GREB1L: variants seen among roughly 807,000 people sequenced by gnomAD.
The protein encoded by GREB1L is GREB1 like retinoic acid receptor coactivator.
In GREB1L, 17 loss-of-function variants were observed where a neutral mutation model predicts 200.8. The observed-to-expected ratio is 0.08, with a 90% CI of 0.06 to 0.13. GREB1L has a LOEUF of 0.13. Ranked by LOEUF, GREB1L falls within the 10% of genes least tolerant of loss-of-function variation. The pLI is 1.00. For missense variants in GREB1L, 1,657 were observed against 2,367.7 expected, an observed-to-expected ratio of 0.70 and a Z score of 6.23; for synonymous variants, 789 against 893.0, an observed-to-expected ratio of 0.88 and a Z score of 2.08.
At chr18:21,384,818 G>GAT (rs2040471762) in intron 4 of GREB1L, among the ~76,000 whole-genome samples, 1 of 124,090 alleles carries the variant, frequency 8.1e-6, no homozygotes, top group African/African-American at 3.2e-5. Flanking sequence ...CAATCAGAGA[G>GAT]ATATTAGAGA....
At chr18:21,427,008 G>A (rs1598813899) in intron 7 of GREB1L, among the ~76,000 whole-genome samples, 1 of 146,560 alleles carries the variant, frequency 6.8e-6, no homozygotes, top group African/African-American at 2.5e-5. Context: ...AAACTGTTTT[G>A]GCTATTCTGG....
chr18:21,320,747 C>T (rs2038938681), intron 1 of GREB1L, among the ~76,000 whole-genome samples: 1 of 147,770 alleles, frequency 6.8e-6, no homozygotes, highest in Non-Finnish European at 1.5e-5. Context: ...GCCTGGGCAA[C>T]AGAACGAGAC....
chr18:21,309,276 T>C (rs73959834), intron 1 of GREB1L, among the ~76,000 whole-genome samples: 1,777 of 152,290 alleles, frequency 0.012, 39 homozygotes, highest in African/African-American at 0.04. Flanking sequence ...TTTCCCTACA[T>C]GGCTGTCAAT....
At chr18:21,256,955 A>AGAT (rs2037807813) in intron 1 of GREB1L, among the ~76,000 whole-genome samples, 1 of 146,870 alleles carries the variant, frequency 6.8e-6, no homozygotes, top group East Asian at 2.1e-4. Context: ...CAGTGAGCCG[A>AGAT]GATCATGCCA....
intron 1 of GREB1L, among the ~76,000 whole-genome samples, chr18:21,271,966 CA>C (rs1471321326): frequency 6.6e-6 from 1 of 152,098 alleles, no homozygotes; most frequent in African/African-American, 2.4e-5. Context: ...GCACCCCAAA[CA>C]AAACTGGAGT....
chr18:21,412,270 A>C (rs61294148), intron 7 of GREB1L, among the ~76,000 whole-genome samples: 49,296 of 150,974 alleles, frequency 0.33, 11,042 homozygotes, highest in African/African-American at 0.61. Flanking sequence ...AAAATTAGCA[A>C]CGTGTGTTGA....
intron 15 of GREB1L, among the ~76,000 whole-genome samples, chr18:21,461,595 T>A (rs2035049777): frequency 6.6e-6 from 1 of 152,158 alleles, no homozygotes; most frequent in Non-Finnish European, 1.5e-5. Context: ...TTAGATTCCT[T>A]CTGGTTCCTC....
rs535242847 is a variant in GREB1L, at chr18:21,319,023, G to A, written c.-119-47004G>A. Among the ~76,000 whole-genome samples the A allele has an allele frequency of 1.3e-4, 20 of 152,312 alleles. No individual in the cohort carries two copies. In the South Asian group the frequency reaches 3.5e-3, roughly 27 times the overall value. ...AGCTGCCTCTGTGAATGCGCAGCCA[G>A]TAACTGGTGGTGGGCCTGGAGTCCC... On this transcript the variant is annotated intron_variant, in intron 1 of 32. Transcript: ENST00000424526.
At chr18:21,302,023 G>A (rs1201989676) in intron 1 of GREB1L, among the ~76,000 whole-genome samples, 2 of 152,202 alleles carry the variant, frequency 1.3e-5, no homozygotes, top group Non-Finnish European at 2.9e-5. Context: ...ACATACTTTT[G>A]ACAGCATTTA....
chr18:21,436,260 T>A (rs1169767880), intron 7 of GREB1L, among the ~76,000 whole-genome samples: 1 of 152,030 alleles, frequency 6.6e-6, no homozygotes, highest in African/African-American at 2.4e-5. Context: ...TGGTATAGAG[T>A]AGAGCCACCA....
intron 11 of GREB1L, among the ~76,000 whole-genome samples, chr18:21,447,242 G>GC (rs1296980298): frequency 6.6e-6 from 1 of 151,940 alleles, no homozygotes; most frequent in African/African-American, 2.4e-5. Context: ...CTATGATTGT[G>GC]CCACTGTACT....
At chr18:21,402,628 T>A (rs530466630) in intron 6 of GREB1L, among the ~76,000 whole-genome samples, 56 of 152,000 alleles carry the variant, frequency 3.7e-4, no homozygotes, top group Middle Eastern at 3.4e-3. Context: ...GCTCAAGTGA[T>A]CCTCTTACCT....
intron 2 of GREB1L, among the ~76,000 whole-genome samples, chr18:21,379,146 A>G (rs1275876203): frequency 6.6e-6 from 1 of 152,224 alleles, no homozygotes; most frequent in African/African-American, 2.4e-5. Flanking sequence ...TCCTCCATGT[A>G]TAACTGGGTA....
intron 7 of GREB1L, among the ~76,000 whole-genome samples, chr18:21,411,205 A>G (rs1388556572): frequency 2.6e-5 from 4 of 151,970 alleles, no homozygotes; most frequent in African/African-American, 9.7e-5. Context: ...GATGTTGGCA[A>G]GGATTCTTTT....
At chr18:21,259,176 C>A (rs1210162966) in intron 1 of GREB1L, among the ~76,000 whole-genome samples, 2 of 152,102 alleles carry the variant, frequency 1.3e-5, no homozygotes, top group Non-Finnish European at 2.9e-5. Flanking sequence ...GTTTGTTTAA[C>A]CTGTACTGAT....
At chr18:21,350,238 CTTT>C (rs1019497941) in intron 1 of GREB1L, among the ~76,000 whole-genome samples, 12 of 133,256 alleles carry the variant, frequency 9.0e-5, no homozygotes, top group Admixed American at 7.6e-5. Context: ...TTCTTTCTTT[CTTT>C]TTTTTTTTTT....
chr18:21,443,089 A>G (rs1417040499), intron 10 of GREB1L, among the ~76,000 whole-genome samples: 1 of 152,028 alleles, frequency 6.6e-6, no homozygotes, highest in Non-Finnish European at 1.5e-5. Context: ...TTTTTAGTAG[A>G]GATGGGGTTT....
At chr18:21,272,241 C>A (rs1369364520) in intron 1 of GREB1L, among the ~76,000 whole-genome samples, 1 of 152,188 alleles carries the variant, frequency 6.6e-6, no homozygotes, top group Non-Finnish European at 1.5e-5. Flanking sequence ...TACTATCTTC[C>A]AATTCTAGAC....
At chr18:21,330,794 T>A (rs73962946) in intron 1 of GREB1L, among the ~76,000 whole-genome samples, 1,791 of 152,296 alleles carry the variant, frequency 0.012, 47 homozygotes, top group African/African-American at 0.041. Context: ...TACCTAATTT[T>A]TTTTTGGATG....
Sources: allele counts gnomAD v4.1 joint callset (sites outside exome capture counted in the v4.1 genomes callset), GRCh38; gene constraint gnomAD v4.1.1; transcripts MANE v1.5; gene names NCBI Gene and HGNC (gene_info 2026-07-23, HGNC 2026-07-21).